TRHDE: variants seen among roughly 807,000 people sequenced by gnomAD.
TRHDE encodes thyrotropin-releasing hormone-degrading ectoenzyme.
Under a neutral mutation model 125.7 loss-of-function variants are expected in TRHDE, and 72 were observed. That is an observed-to-expected ratio of 0.57 (90% CI 0.47 to 0.70). TRHDE has a LOEUF of 0.70. TRHDE is among the 30% of genes least tolerant of loss of function. The pLI, the probability that TRHDE is intolerant of heterozygous loss-of-function variation, is 0.00. For missense variants in TRHDE, 1,110 were observed against 1,327.1 expected, an observed-to-expected ratio of 0.84 and a Z score of 2.54; for synonymous variants, 509 against 509.1, an observed-to-expected ratio of 1.00 and a Z score of 0.00.
chr12:72,439,563 G>A (rs1268716709), intron 3 of TRHDE, among the ~76,000 whole-genome samples: 5 of 151,550 alleles, frequency 3.3e-5, no homozygotes, highest in African/African-American at 4.8e-5. Context: ...ATTGAAATGT[G>A]ATTATTTTTC....
chr12:72,223,461 A>C (rs186585921), intron 2 of TRHDE, among the ~76,000 whole-genome samples: 1 of 152,242 alleles, frequency 6.6e-6, no homozygotes, highest in Non-Finnish European at 1.5e-5. Flanking sequence ...ATCTTTTCCC[A>C]TAATTGCTCA....
At chr12:72,597,090 G>C (rs777146383) in intron 12 of TRHDE, among the ~76,000 whole-genome samples, 1 of 152,086 alleles carries the variant, frequency 6.6e-6, no homozygotes, top group Non-Finnish European at 1.5e-5. Context: ...ATGTGATCCA[G>C]TTTTAACCAT....
intron 2 of TRHDE, among the ~76,000 whole-genome samples, chr12:72,150,084 A>G (rs1337799209): frequency 3.3e-5 from 5 of 152,184 alleles, no homozygotes; most frequent in Non-Finnish European, 7.4e-5. Flanking sequence ...GTAGTAGTGA[A>G]TAAGACATTG....
chr12:72,258,488 C>T (rs368910489), intron 2 of TRHDE, among the ~76,000 whole-genome samples: 84 of 152,230 alleles, frequency 5.5e-4, no homozygotes, highest in African/African-American at 2.0e-3. Context: ...AACTTTAGAG[C>T]TGCACAGTGA....
intron 12 of TRHDE, among the ~76,000 whole-genome samples, chr12:72,593,169 C>A (rs1871767227): frequency 6.6e-6 from 1 of 152,134 alleles, no homozygotes; most frequent in Non-Finnish European, 1.5e-5. Flanking sequence ...GGTTGCCAGT[C>A]CAGAAAGGCT....
At chr12:72,322,275 C>A (rs1229912329) in intron 2 of TRHDE, among the ~76,000 whole-genome samples, 1 of 152,012 alleles carries the variant, frequency 6.6e-6, no homozygotes, top group African/African-American at 2.4e-5. Flanking sequence ...TTTAGTGCCA[C>A]TTATTTTCTT....
At chr12:72,191,965 T>C (rs1446610754) in intron 2 of TRHDE, among the ~76,000 whole-genome samples, 1 of 152,128 alleles carries the variant, frequency 6.6e-6, no homozygotes, top group African/African-American at 2.4e-5. Flanking sequence ...AATAGAAGCT[T>C]TTCTGGGCTA....
At chr12:72,623,249 C>T (rs1367349921) in intron 15 of TRHDE, among the ~76,000 whole-genome samples, 1 of 151,846 alleles carries the variant, frequency 6.6e-6, no homozygotes, top group Non-Finnish European at 1.5e-5. Context: ...TCTCTCTTCC[C>T]TTTTGTTTTT....
chr12:72,525,123 T>C (rs190610964), intron 6 of TRHDE, among the ~76,000 whole-genome samples: 19 of 152,298 alleles, frequency 1.2e-4, no homozygotes, highest in Admixed American at 1.0e-3. Flanking sequence ...CTGAATTAGA[T>C]GAACAAGCTA....
intron 15 of TRHDE, among the ~76,000 whole-genome samples, chr12:72,630,909 T>C (rs1873469093): frequency 1.3e-5 from 2 of 148,602 alleles, no homozygotes; most frequent in African/African-American, 4.9e-5. Context: ...AACCTACCCA[T>C]ACTTATTTTT....
Position 72,116,836 on chromosome 12 carries a change from C to T in TRHDE, n.279+11084C>T, listed in dbSNP as rs556270005. Among the ~76,000 whole-genome samples, 171 of 152,030 alleles carry T rather than the reference C, an allele frequency of 1.1e-3. 7 individuals are homozygous for T. The South Asian group carries it at 0.029, about 26-fold the overall frequency. On this transcript the variant is annotated intron_variant and non_coding_transcript_variant, in intron 2 of 4. Transcript: ENST00000548156. The stretch of plus-strand genomic sequence containing the variant: ...AGCTGTGCAGAAGCTCTTTAGTTTA[C>T]CTAGATCCCATTTATCAATTTTGAC...
chr12:72,213,228 G>T (rs1247566367), intron 2 of TRHDE, among the ~76,000 whole-genome samples: 1 of 151,990 alleles, frequency 6.6e-6, no homozygotes, highest in Non-Finnish European at 1.5e-5. Flanking sequence ...ATGGGTATTG[G>T]TTGCTTTTAG....
intron 1 of TRHDE, among the ~76,000 whole-genome samples, chr12:72,090,543 T>C (rs142553151): frequency 6.6e-6 from 1 of 152,308 alleles, no homozygotes; most frequent in East Asian, 1.9e-4. Context: ...ACTTGGAGCA[T>C]GTTTTTATGC....
chr12:72,431,297 G>A (rs940453377), intron 3 of TRHDE, among the ~76,000 whole-genome samples: 3 of 152,030 alleles, frequency 2.0e-5, no homozygotes, highest in South Asian at 2.1e-4. Context: ...ACTTTTTACT[G>A]TATGATAAAA....
chr12:72,154,890 A>G (rs1196778799), intron 2 of TRHDE, among the ~76,000 whole-genome samples: 1 of 152,092 alleles, frequency 6.6e-6, no homozygotes, highest in Non-Finnish European at 1.5e-5. Context: ...GCTCTTCTCT[A>G]GGAGTATCTT....
At chr12:72,211,754 G>T (rs1393721315) in intron 2 of TRHDE, among the ~76,000 whole-genome samples, 5 of 152,106 alleles carry the variant, frequency 3.3e-5, no homozygotes, top group African/African-American at 1.2e-4. Flanking sequence ...AGTATTTGGA[G>T]AAAGTATTTT....
At chr12:72,363,377 T>C (rs1447474319) in intron 2 of TRHDE, among the ~76,000 whole-genome samples, 1 of 151,792 alleles carries the variant, frequency 6.6e-6, no homozygotes, top group Non-Finnish European at 1.5e-5. Context: ...CTCAATAAAA[T>C]ACTGGCAAAC....
chr12:72,627,716 C>T (rs139076755), intron 15 of TRHDE, among the ~76,000 whole-genome samples: 238 of 151,810 alleles, frequency 1.6e-3, no homozygotes, highest in African/African-American at 5.4e-3. Flanking sequence ...AACGAGATCT[C>T]GTTCTATTAT....
rs547837451 is a variant in TRHDE, at chr12:72,127,890, T to TAC, written n.279+22148_279+22149dup. On this transcript the variant is annotated intron_variant and non_coding_transcript_variant, in intron 2 of 4. Coordinates refer to the TRHDE transcript ENST00000548156. Reference sequence around the variant, plus strand: ...ATATATATATGTGTGTGTATATATATACACACACACAGACATTGTATAGTG... The same window carrying TAC: ...ATATATATATGTGTGTGTATATATATACACACACACACAGACATTGTATAGTG... 1.5e-3 allele frequency among the ~76,000 whole-genome samples: 226 copies of TAC among 151,970 alleles called. 1 individual carries two copies. Among genetic ancestry groups the TAC allele is most frequent in the African/African-American group, 5.0e-3 (206 of 41,434 alleles).
Sources: allele counts gnomAD v4.1 joint callset (sites outside exome capture counted in the v4.1 genomes callset), GRCh38; gene constraint gnomAD v4.1.1; transcripts MANE v1.5; gene names NCBI Gene and HGNC (gene_info 2026-07-23, HGNC 2026-07-21).